ZDHHC14: variants seen among roughly 807,000 people sequenced by gnomAD.
The protein encoded by ZDHHC14 is palmitoyltransferase ZDHHC14.
Under a neutral mutation model 47.7 loss-of-function variants are expected in ZDHHC14, and 16 were observed. The ratio of observed to expected loss-of-function variants is 0.34; its 90% CI spans 0.23 to 0.51. ZDHHC14 has a LOEUF of 0.51. Ranked by LOEUF, ZDHHC14 falls within the 20% of genes least tolerant of loss-of-function variation. The pLI is 0.97. For synonymous variants in ZDHHC14, 293 were observed against 278.9 expected, an observed-to-expected ratio of 1.05 and a Z score of -0.50; for missense variants, 515 against 662.5, an observed-to-expected ratio of 0.78 and a Z score of 2.44.
intron 5 of ZDHHC14, among the ~76,000 whole-genome samples, chr6:157,638,637 G>C (rs548836294): frequency 3.9e-5 from 6 of 152,370 alleles, no homozygotes; most frequent in Admixed American, 3.9e-4. Context: ...ACAAGGTCGA[G>C]AACCATCCGC....
chr6:157,672,653 C>T, intron 8 of ZDHHC14, 71 bp from the exon 9 acceptor site: 1 of 1,068,040 alleles, frequency 9.4e-7, no homozygotes, highest in Non-Finnish European at 1.4e-6. Flanking sequence ...TGCCCTGTCC[C>T]CATCCCTGTC....
chr6:157,590,221 A>G (rs1483018923), intron 2 of ZDHHC14, among the ~76,000 whole-genome samples: 1 of 152,222 alleles, frequency 6.6e-6, no homozygotes. Context: ...ATTCAAGCTG[A>G]CAGCAGAAAT....
intron 1 of ZDHHC14, among the ~76,000 whole-genome samples, chr6:157,448,225 C>G (rs774312410): frequency 2.6e-5 from 4 of 152,076 alleles, no homozygotes; most frequent in Non-Finnish European, 5.9e-5. Flanking sequence ...TGCTTAAGGT[C>G]TGACTTCAAG....
In ZDHHC14 at chr6:157,645,764, CTCTG is replaced by C. The variant is rs1416603689; in HGVS notation, c.785_788del (p.Val262GlyfsTer13). On this transcript the variant is annotated frameshift_variant, in exon 6 of 9. Coordinates refer to ENST00000359775, the MANE Select transcript of ZDHHC14 (RefSeq NM_024630.3). LOFTEE classifies it high-confidence loss of function. Reference sequence around the variant, plus strand: ...TCCTGGAGGCTGTGGTGTGCTTCTTCTCTGTCTGGTCCATCGTTGGCCTCTCAGG... The same window carrying C: ...TCCTGGAGGCTGTGGTGTGCTTCTTCTCTGGTCCATCGTTGGCCTCTCAGG... The C allele has an allele frequency of 1.9e-6, 3 of 1,614,144 alleles. No homozygotes were observed. The highest frequency in any genetic ancestry group is 1.1e-5 in the South Asian group (1 of 91,044).
intron 1 of ZDHHC14, among the ~76,000 whole-genome samples, chr6:157,483,724 A>G (rs1056768729): frequency 2.6e-5 from 4 of 152,254 alleles, no homozygotes; most frequent in Non-Finnish European, 5.9e-5. Context: ...GCATCCGTGG[A>G]CCTTCCATGT....
At chr6:157,562,491 C>T (rs527627469) in intron 2 of ZDHHC14, among the ~76,000 whole-genome samples, 23 of 152,128 alleles carry the variant, frequency 1.5e-4, no homozygotes, top group African/African-American at 4.1e-4. Context: ...GCTCTCCATG[C>T]GATTCTCTAG....
At chr6:157,589,805 G>A (rs868545749) in intron 2 of ZDHHC14, among the ~76,000 whole-genome samples, 1 of 152,194 alleles carries the variant, frequency 6.6e-6, no homozygotes, top group African/African-American at 2.4e-5. Flanking sequence ...ATGTGGAAGC[G>A]ACTTTGGAAG....
intron 5 of ZDHHC14, among the ~76,000 whole-genome samples, chr6:157,637,846 G>A (rs1287026771): frequency 6.6e-6 from 1 of 152,170 alleles, no homozygotes; most frequent in Non-Finnish European, 1.5e-5. Flanking sequence ...TAAAAACAAT[G>A]TCATTGAGGA....
intron 1 of ZDHHC14, among the ~76,000 whole-genome samples, chr6:157,507,205 T>C (rs1211776715): frequency 6.6e-6 from 1 of 152,178 alleles, no homozygotes; most frequent in Non-Finnish European, 1.5e-5. Flanking sequence ...TAAATTATTT[T>C]GCACATGTAA....
chr6:157,499,345 G>C (rs538585253), intron 1 of ZDHHC14, among the ~76,000 whole-genome samples: 1 of 152,100 alleles, frequency 6.6e-6, no homozygotes, highest in Non-Finnish European at 1.5e-5. Context: ...CCTGGTTTGC[G>C]GGTGGTGCCT....
rs537145049 is a variant in ZDHHC14, at chr6:157,571,818, C to A, written c.407-21170C>A. Reference sequence around the variant, plus strand: ...TTTTTGAGCCTGCTAGGTAAGTAAACCTTTCGTGAATGGTGCTTGGGGCGG... The same window carrying A: ...TTTTTGAGCCTGCTAGGTAAGTAAAACTTTCGTGAATGGTGCTTGGGGCGG... On this transcript the variant is annotated intron_variant, in intron 2 of 8. Coordinates refer to ENST00000359775, the MANE Select transcript of ZDHHC14 (RefSeq NM_024630.3). Among the ~76,000 whole-genome samples the A allele has an allele frequency of 1.6e-3, 216 of 131,188 alleles. 2 individuals carry two copies. Among genetic ancestry groups the A allele is most frequent in the Admixed American group, 5.5e-3 (67 of 12,290 alleles). The allele number at this position is 131,188 out of a possible 152,430, so 86.1% of individuals were successfully genotyped here. A position where few individuals can be genotyped will look rare whatever the true frequency, so the allele number is the denominator to read the frequency against.
chr6:157,421,130 C>T (rs566019842), intron 1 of ZDHHC14, among the ~76,000 whole-genome samples: 9 of 152,092 alleles, frequency 5.9e-5, no homozygotes, highest in African/African-American at 2.2e-4. Flanking sequence ...GTTATTATGA[C>T]CGCAGAGCCC....
chr6:157,520,388 C>G (rs1780871389), intron 1 of ZDHHC14, among the ~76,000 whole-genome samples: 1 of 152,082 alleles, frequency 6.6e-6, no homozygotes, highest in South Asian at 2.1e-4. Context: ...AAATGGTTTC[C>G]TGACTATCTC....
chr6:157,653,674 G>C (rs760909253), intron 8 of ZDHHC14, 47 bp downstream of exon 8: 1 of 1,581,790 alleles, frequency 6.3e-7, no homozygotes, highest in East Asian at 2.2e-5. Context: ...CCTTTTGCTT[G>C]TGTGCTCACT....
intron 1 of ZDHHC14, among the ~76,000 whole-genome samples, chr6:157,395,930 A>G (rs1777513012): frequency 6.6e-6 from 1 of 152,098 alleles, no homozygotes; most frequent in Non-Finnish European, 1.5e-5. Context: ...TATTTTTCTC[A>G]TAATTTATTA....
chr6:157,467,574 G>A (rs1779250606), intron 1 of ZDHHC14, among the ~76,000 whole-genome samples: 1 of 148,962 alleles, frequency 6.7e-6, no homozygotes, highest in Non-Finnish European at 1.5e-5. Flanking sequence ...TTTTGAGATG[G>A]AGCCTCACTC....
intron 2 of ZDHHC14, among the ~76,000 whole-genome samples, chr6:157,576,781 G>T (rs1240762784): frequency 6.6e-6 from 1 of 152,206 alleles, no homozygotes; most frequent in Non-Finnish European, 1.5e-5. Flanking sequence ...CACTCTGGCA[G>T]GCATTCTGTC....
intron 1 of ZDHHC14, among the ~76,000 whole-genome samples, chr6:157,537,493 G>A (rs188598035): frequency 6.6e-5 from 10 of 152,238 alleles, no homozygotes; most frequent in African/African-American, 1.9e-4. Flanking sequence ...TTTAGTATCC[G>A]GTGCTAAATT....
chr6:157,601,713 G>GAA (rs1784342627), intron 3 of ZDHHC14, among the ~76,000 whole-genome samples: 1 of 152,042 alleles, frequency 6.6e-6, no homozygotes, highest in African/African-American at 2.4e-5. Context: ...GATATTATGA[G>GAA]GTCCTGTGAA....
Sources: allele counts gnomAD v4.1 joint callset (sites outside exome capture counted in the v4.1 genomes callset), GRCh38; gene constraint gnomAD v4.1.1; transcripts MANE v1.5; gene names NCBI Gene and HGNC (gene_info 2026-07-23, HGNC 2026-07-21).